TJP1: variants seen among roughly 807,000 people sequenced by gnomAD.
TJP1 encodes the protein tight junction protein 1.
A neutral mutation model predicts 194.2 loss-of-function variants in TJP1; 43 were observed. That is an observed-to-expected ratio of 0.22 (90% CI 0.17 to 0.29). The LOEUF is 0.29. TJP1 is among the 10% of genes least tolerant of loss of function. TJP1 has a pLI of 1.00. For missense variants in TJP1, 1,971 were observed against 2,185.7 expected (o/e 0.90, Z 1.96); for synonymous variants, 801 against 779.0 (o/e 1.03, Z -0.47).
chr15:29,906,119 G>T (rs750032394), intron 2 of TJP1, among the ~76,000 whole-genome samples: 9 of 152,066 alleles, frequency 5.9e-5, no homozygotes, highest in Non-Finnish European at 1.3e-4. Context: ...GGTGCAAGGG[G>T]TATACAGAAA....
chr15:29,719,463 C>T (rs1382422769), intron 20 of TJP1, among the ~76,000 whole-genome samples: 1 of 152,026 alleles, frequency 6.6e-6, no homozygotes, highest in Non-Finnish European at 1.5e-5. Flanking sequence ...TTATGGGCAT[C>T]ATAATTTGTA....
intron 8 of TJP1, among the ~76,000 whole-genome samples, chr15:29,756,524 A>G (rs1006964622): frequency 6.6e-6 from 1 of 152,194 alleles, no homozygotes; most frequent in Non-Finnish European, 1.5e-5. Flanking sequence ...TTTAGCCCAC[A>G]CAGTGCAGTC....
chr15:29,905,843 T>G (rs1278774682), intron 2 of TJP1, among the ~76,000 whole-genome samples: 1 of 152,174 alleles, frequency 6.6e-6, no homozygotes, highest in African/African-American at 2.4e-5. Context: ...GATTAGTGGT[T>G]GCCATGGGTT....
intron 2 of TJP1, among the ~76,000 whole-genome samples, chr15:29,862,647 CTTTT>C (rs11305773): frequency 4.9e-5 from 5 of 101,298 alleles, no homozygotes; most frequent in Non-Finnish European, 1.9e-5. Flanking sequence ...TTTTTCTTTT[CTTTT>C]TTTTTTTTTT....
At position 29,734,536 on chromosome 15, in the gene TJP1, T is replaced by G. The variant is rs189938443; in HGVS notation, c.1408-154A>C. 1.2e-4 allele frequency among the ~76,000 whole-genome samples: 18 copies of G among 150,000 alleles called. No homozygotes were observed. In the East Asian group the frequency reaches 3.2e-3, roughly 26 times the overall value. On this transcript the variant is annotated intron_variant, in intron 11 of 27. Transcript: ENST00000614355. ...TCTCGCTCTGTCGCCCAGGCTGGAG[T>G]GCAATGGCACGATCTCAGCTCACTG...
rs1419641156 is a variant in TJP1, at chr15:29,947,062, G to A, written c.306+9170C>T. Among the ~76,000 whole-genome samples, 7 of 152,070 alleles carry A rather than the reference G, an allele frequency of 4.6e-5. No individual in the cohort carries two copies. The South Asian group carries it at 1.0e-3, about 22-fold the overall frequency. On this transcript the variant is annotated intron_variant, in intron 2 of 28. Coordinates refer to the TJP1 transcript ENST00000356107. ...ATATATTACTCACTTTCCTGCCTTC[G>A]TAAACTGAACACAATGTGGTCATTA...
At chr15:29,838,152 TG>T (rs542347332) in intron 2 of TJP1, among the ~76,000 whole-genome samples, 2 of 152,168 alleles carry the variant, frequency 1.3e-5, no homozygotes, top group South Asian at 4.2e-4. Flanking sequence ...TGGCCAGGCA[TG>T]GTAGCTCACG....
At chr15:29,942,759 C>T (rs1425237265) in intron 2 of TJP1, among the ~76,000 whole-genome samples, 1 of 152,138 alleles carries the variant, frequency 6.6e-6, no homozygotes, top group Non-Finnish European at 1.5e-5. Flanking sequence ...TCACTGACAC[C>T]CAGGTTAGCA....
chr15:29,738,340 A>G (rs2063000853), intron 10 of TJP1, among the ~76,000 whole-genome samples: 2 of 152,222 alleles, frequency 1.3e-5, no homozygotes, highest in African/African-American at 4.8e-5. Flanking sequence ...AATTATTAGA[A>G]ACTAATAGAT....
intron 15 of TJP1, among the ~76,000 whole-genome samples, chr15:29,731,198 A>C (rs1295715532): frequency 6.6e-6 from 1 of 152,066 alleles, no homozygotes; most frequent in Non-Finnish European, 1.5e-5. Flanking sequence ...ATGTGGAGAA[A>C]ACACCTTTCC....
chr15:29,890,174 A>C (rs972458391), intron 2 of TJP1, among the ~76,000 whole-genome samples: 3 of 152,130 alleles, frequency 2.0e-5, no homozygotes. Flanking sequence ...CAAATGTGAA[A>C]GCCCAACGAA....
chr15:29,839,489 T>A (rs2152063611), intron 2 of TJP1, among the ~76,000 whole-genome samples: 1 of 152,058 alleles, frequency 6.6e-6, no homozygotes, highest in South Asian at 2.1e-4. Flanking sequence ...ATTTAACAGT[T>A]TAAAAATTAG....
At chr15:29,827,497 C>T (rs2050712815), upstream of TJP1, among the ~76,000 whole-genome samples, 1 of 152,166 alleles carries the variant, frequency 6.6e-6, no homozygotes, top group East Asian at 1.9e-4. Flanking sequence ...CCAGCCTTCC[C>T]GAGTCTGGCT....
chr15:29,795,375 C>T (rs1271743702), intron 2 of TJP1, among the ~76,000 whole-genome samples: 1 of 150,946 alleles, frequency 6.6e-6, no homozygotes, highest in Non-Finnish European at 1.5e-5. Context: ...CATGATGGTA[C>T]CACTGCACTC....
At chr15:29,763,877 A>G (rs1015609224) in intron 5 of TJP1, among the ~76,000 whole-genome samples, 1 of 152,202 alleles carries the variant, frequency 6.6e-6, no homozygotes, top group Non-Finnish European at 1.5e-5. Context: ...GCCTTTTAGG[A>G]TATCTGGGCA....
intron 25 of TJP1, 50 bp downstream of exon 25, chr15:29,708,509 C>T: frequency 7.0e-7 from 1 of 1,437,716 alleles, no homozygotes. Flanking sequence ...AACAAACTCA[C>T]ATGAGAAAAA....
intron 1 of TJP1, among the ~76,000 whole-genome samples, chr15:29,816,149 T>TC (rs958315207): frequency 1.8e-4 from 27 of 152,204 alleles, no homozygotes; most frequent in African/African-American, 5.5e-4. Flanking sequence ...TGCCTCAGCC[T>TC]CCCAAGTAGC....
At chr15:29,837,973 T>C (rs1477356593) in intron 2 of TJP1, among the ~76,000 whole-genome samples, 1 of 152,234 alleles carries the variant, frequency 6.6e-6, no homozygotes, top group African/African-American at 2.4e-5. Flanking sequence ...CTAGCAAGAA[T>C]AGGATTTTAG....
chr15:29,772,071 G>A lies in TJP1; in HGVS notation c.305C>T (p.Ala102Val). 6.3e-7 allele frequency: 1 copy of A among 1,589,476 alleles called. No individual in the cohort carries two copies. Among genetic ancestry groups the A allele is most frequent in the Non-Finnish European group, 8.6e-7 (1 of 1,168,730 alleles). Residue 102 changes from alanine (A) to valine (V), a missense_variant, in exon 4 of 28, where the codon GCA (alanine) becomes GTA (valine). Coordinates refer to ENST00000614355, the MANE Select transcript of TJP1 (RefSeq NM_001330239.4). ...VQQLRKSGKNAKITIRRKKKV... is the reference protein window; with the variant it reads ...VQQLRKSGKNVKITIRRKKKV... ...CAGAGAAAAGATACTTACAATTTTT[G>A]CATTTTTCCCACTTTTCCTTAGTTG...
Sources: allele counts gnomAD v4.1 joint callset (sites outside exome capture counted in the v4.1 genomes callset), GRCh38; gene constraint gnomAD v4.1.1; transcripts MANE v1.5; gene names NCBI Gene and HGNC (gene_info 2026-07-23, HGNC 2026-07-21).